RNF180: variants seen among roughly 807,000 people sequenced by gnomAD.
RNF180 encodes the protein ring finger protein 180.
In RNF180, 38 loss-of-function variants were observed where a neutral mutation model predicts 59.2. The observed-to-expected ratio is 0.64, with a 90% CI of 0.50 to 0.84. The LOEUF (loss-of-function observed/expected upper bound fraction) is 0.84, where lower values mean the gene tolerates loss of function less well. Ranked by LOEUF, RNF180 falls within the 40% of genes least tolerant of loss-of-function variation. The pLI, the probability that RNF180 is intolerant of heterozygous loss-of-function variation, is 0.00. For synonymous variants in RNF180, 262 were observed against 240.3 expected (o/e 1.09, Z -0.84); for missense variants, 705 against 700.9 (o/e 1.01, Z -0.07).
intron 1 of RNF180, among the ~76,000 whole-genome samples, chr5:64,171,048 A>G (rs1281517135): frequency 1.3e-5 from 2 of 152,200 alleles, no homozygotes. Flanking sequence ...GTAATAGTCA[A>G]CGATATAGAG....
At chr5:64,197,121 G>A (rs1214864433) in intron 1 of RNF180, among the ~76,000 whole-genome samples, 1 of 152,120 alleles carries the variant, frequency 6.6e-6, no homozygotes, top group Non-Finnish European at 1.5e-5. Context: ...GTAGCAAATA[G>A]CAAAGGATAG....
chr5:64,332,468 A>G (rs1489977221), intron 7 of RNF180, among the ~76,000 whole-genome samples: 2 of 152,194 alleles, frequency 1.3e-5, no homozygotes, highest in African/African-American at 2.4e-5. Flanking sequence ...AGTTATCAAC[A>G]TGACTTCAGC....
intron 5 of RNF180, among the ~76,000 whole-genome samples, chr5:64,285,291 T>C (rs1561238733): frequency 6.6e-6 from 1 of 152,206 alleles, no homozygotes; most frequent in Non-Finnish European, 1.5e-5. Context: ...GAACCTGTGC[T>C]CACTCACTTG....
intron 1 of RNF180, among the ~76,000 whole-genome samples, chr5:64,180,393 A>G (rs558849400): frequency 6.6e-5 from 10 of 152,228 alleles, no homozygotes; most frequent in African/African-American, 7.2e-5. Context: ...ACAATTGCTC[A>G]TTAAAATTTG....
chr5:64,279,081 A>G (rs1445268614), intron 5 of RNF180, among the ~76,000 whole-genome samples: 1 of 152,162 alleles, frequency 6.6e-6, no homozygotes, highest in Non-Finnish European at 1.5e-5. Flanking sequence ...AATGAAAAGA[A>G]CCAAGGCTGG....
intron 5 of RNF180, among the ~76,000 whole-genome samples, chr5:64,258,563 A>G (rs966094694): frequency 2.6e-5 from 4 of 152,124 alleles, no homozygotes; most frequent in African/African-American, 4.8e-5. Flanking sequence ...TGGGGGTGCT[A>G]TTCCCTTGGA....
At chr5:64,173,940 A>C (rs1048420867) in intron 1 of RNF180, among the ~76,000 whole-genome samples, 1 of 151,902 alleles carries the variant, frequency 6.6e-6, no homozygotes, top group Admixed American at 6.6e-5. Context: ...GTTCTCAAAC[A>C]CCTGACCTCG....
chr5:64,303,518 C>T (rs145300765), intron 5 of RNF180, among the ~76,000 whole-genome samples: 16 of 151,696 alleles, frequency 1.1e-4, no homozygotes, highest in Middle Eastern at 3.4e-3. Flanking sequence ...AAAACAGCCC[C>T]ATTGCTGATA....
chr5:64,364,361 T>C (rs1746368446), intron 7 of RNF180, among the ~76,000 whole-genome samples: 1 of 151,870 alleles, frequency 6.6e-6, no homozygotes, highest in South Asian at 2.1e-4. Flanking sequence ...TCTGTTTATG[T>C]GACAAATCAC....
chr5:64,350,704 A>G (rs1292140936), intron 7 of RNF180, among the ~76,000 whole-genome samples: 3 of 152,138 alleles, frequency 2.0e-5, no homozygotes, highest in African/African-American at 7.2e-5. Flanking sequence ...GGTTTGTCAA[A>G]GATCAGATGG....
At chr5:64,313,169 T>C (rs1743863368) in intron 5 of RNF180, among the ~76,000 whole-genome samples, 1 of 152,110 alleles carries the variant, frequency 6.6e-6, no homozygotes, top group East Asian at 1.9e-4. Context: ...TTTTTTTAAC[T>C]TTTAGGTTCA....
chr5:64,246,697 T>G (rs1469996501), intron 5 of RNF180, among the ~76,000 whole-genome samples: 2 of 152,208 alleles, frequency 1.3e-5, no homozygotes, highest in African/African-American at 2.4e-5. Flanking sequence ...GAGGAGCTAG[T>G]ACCATTCCTT....
intron 5 of RNF180, among the ~76,000 whole-genome samples, chr5:64,235,121 C>T (rs1036856825): frequency 6.6e-6 from 1 of 151,840 alleles, no homozygotes; most frequent in African/African-American, 2.4e-5. Context: ...TACAAAAAAA[C>T]AAAAATAAAA....
At chr5:64,174,525 T>C (rs750866343) in intron 1 of RNF180, among the ~76,000 whole-genome samples, 1 of 152,164 alleles carries the variant, frequency 6.6e-6, no homozygotes, top group Non-Finnish European at 1.5e-5. Flanking sequence ...TTATGTCTCA[T>C]TGTGATTTTA....
At position 64,369,836 on chromosome 5, in the gene RNF180, T is replaced by C. The variant is rs116119552; in HGVS notation, c.*22T>C. On this transcript the variant is annotated 3_prime_UTR_variant, in exon 8 of 8. Transcript: ENST00000389100. ...TTAGGAATTTCATACCTTACTACAATTGACCAATCATAAATGATGTAAATA... is the reference window on the plus strand; with the variant it reads ...TTAGGAATTTCATACCTTACTACAACTGACCAATCATAAATGATGTAAATA... The C allele has an allele frequency of 2.0e-3, 2,529 of 1,292,182 alleles. 34 individuals carry two copies. The African/African-American group carries it at 0.032, about 16-fold the overall frequency. 80.0% of individuals were successfully genotyped at this position (1,292,182 alleles called of 1,614,324 possible). A position where few individuals can be genotyped will look rare whatever the true frequency, so the allele number is the denominator to read the frequency against.
In RNF180 at chr5:64,243,626, A is replaced by T. The variant is rs548319441; in HGVS notation, c.1227+26230A>T. Among the ~76,000 whole-genome samples the T allele has an allele frequency of 4.6e-5, 7 of 152,306 alleles. No homozygotes were observed. In the South Asian group the frequency reaches 1.5e-3, roughly 32 times the overall value. ...ACTTCTATACTCCCATCACCCTAGG[A>T]CAGAGCAGCTGGGGGAAGGGGTGGC... On this transcript the variant is annotated intron_variant, in intron 5 of 7. Coordinates refer to ENST00000389100, the MANE Select transcript of RNF180 (RefSeq NM_001113561.2).
At position 64,371,249 on chromosome 5, in the gene RNF180, C is replaced by T. The variant is rs1178404580; in HGVS notation, c.*1435C>T. The T allele has an allele frequency of 6.6e-6, 1 of 151,470 alleles. No individual in the cohort carries two copies. Among genetic ancestry groups the T allele is most frequent in the Non-Finnish European group, 1.5e-5 (1 of 67,660 alleles). The allele number at this position is 151,470 out of a possible 1,614,324, so 9.4% of individuals were successfully genotyped here. On this transcript the variant is annotated 3_prime_UTR_variant, in exon 8 of 8. Coordinates refer to ENST00000389100, the MANE Select transcript of RNF180 (RefSeq NM_001113561.2). ...CAGAACACTAAGTACAATTTAGAAA[C>T]ACAGATAAATTTATACTTATAAATG...
intron 7 of RNF180, among the ~76,000 whole-genome samples, chr5:64,331,552 G>A (rs1277584416): frequency 4.6e-5 from 7 of 152,086 alleles, no homozygotes; most frequent in Non-Finnish European, 1.0e-4. Flanking sequence ...GAGACAGCGG[G>A]ACAACCTGCC....
At chr5:64,355,070 G>A (rs1354281055) in intron 7 of RNF180, among the ~76,000 whole-genome samples, 1 of 151,860 alleles carries the variant, frequency 6.6e-6, no homozygotes, top group Non-Finnish European at 1.5e-5. Context: ...ACTCTAGCTG[G>A]AACAATTTGA....
Sources: allele counts gnomAD v4.1 joint callset (sites outside exome capture counted in the v4.1 genomes callset), GRCh38; gene constraint gnomAD v4.1.1; transcripts MANE v1.5; gene names NCBI Gene and HGNC (gene_info 2026-07-23, HGNC 2026-07-21).